The following ASIC2 variants were observed in gnomAD, a reference collection of about 807,000 sequenced individuals.
ASIC2 encodes acid sensing ion channel subunit 2, also known as acid-sensing ion channel 2.
ASIC2 carries 25 observed loss-of-function variants against 57.3 expected under a neutral mutation model. The ratio of observed to expected loss-of-function variants is 0.44; its 90% confidence interval spans 0.32 to 0.61. ASIC2 has a LOEUF of 0.61. ASIC2 is among the 20% of genes least tolerant of loss of function. The probability of loss-of-function intolerance (pLI) is 0.06; values close to 1 mark genes in which losing one functional copy is unlikely to be tolerated. For missense variants in ASIC2, 641 were observed against 738.1 expected (o/e 0.87, Z 1.52); for synonymous variants, 319 against 307.5 (o/e 1.04, Z -0.39).
At chr17:33,435,499 C>T (rs1310561195) in intron 1 of ASIC2, among the ~76,000 whole-genome samples, 1 of 152,126 alleles carries the variant, frequency 6.6e-6, no homozygotes, top group Non-Finnish European at 1.5e-5. Flanking sequence ...TATTTAAATA[C>T]ATGCATTCAT....
intron 1 of ASIC2, among the ~76,000 whole-genome samples, chr17:34,024,041 A>T (rs1367957476): frequency 6.6e-6 from 1 of 152,236 alleles, no homozygotes; most frequent in Non-Finnish European, 1.5e-5. Flanking sequence ...CAAGTCATGG[A>T]GGCAGGATTT....
intron 1 of ASIC2, among the ~76,000 whole-genome samples, chr17:33,614,154 C>A (rs765786994): frequency 1.3e-5 from 2 of 152,170 alleles, no homozygotes; most frequent in Non-Finnish European, 2.9e-5. Flanking sequence ...GCATATTATT[C>A]TTTTCAGCGT....
intron 1 of ASIC2, among the ~76,000 whole-genome samples, chr17:33,431,359 C>A (rs982755778): frequency 6.6e-6 from 1 of 152,130 alleles, no homozygotes; most frequent in African/African-American, 2.4e-5. Context: ...GTAATCCCAG[C>A]ACTTTGAGAG....
chr17:33,206,522 C>G (rs1907066961), intron 1 of ASIC2, among the ~76,000 whole-genome samples: 1 of 152,160 alleles, frequency 6.6e-6, no homozygotes, highest in South Asian at 2.1e-4. Flanking sequence ...GAAGGGATTT[C>G]TTACTGATGA....
At chr17:33,396,532 T>A (rs965308278) in intron 1 of ASIC2, among the ~76,000 whole-genome samples, 2 of 152,090 alleles carry the variant, frequency 1.3e-5, no homozygotes, top group Non-Finnish European at 2.9e-5. Flanking sequence ...TGCAGGGAAG[T>A]GGTGGTGCTG....
intron 1 of ASIC2, among the ~76,000 whole-genome samples, chr17:33,277,446 T>C (rs890178992): frequency 6.6e-6 from 1 of 152,190 alleles, no homozygotes; most frequent in Admixed American, 6.5e-5. Context: ...AACAATTCAA[T>C]TGGCTTTACT....
At chr17:33,416,999 C>T (rs1035308900) in intron 1 of ASIC2, among the ~76,000 whole-genome samples, 3 of 152,028 alleles carry the variant, frequency 2.0e-5, no homozygotes, top group Admixed American at 2.0e-4. Flanking sequence ...ACCCAGGTTC[C>T]ACTTTGTTAA....
At chr17:34,092,514 T>G (rs1188300364) in intron 1 of ASIC2, among the ~76,000 whole-genome samples, 1 of 152,168 alleles carries the variant, frequency 6.6e-6, no homozygotes, top group African/African-American at 2.4e-5. Flanking sequence ...GGAGCTGGTC[T>G]GGCCCTGTAG....
intron 1 of ASIC2, among the ~76,000 whole-genome samples, chr17:34,074,473 G>A (rs1156658785): frequency 3.3e-5 from 5 of 152,080 alleles, no homozygotes; most frequent in Admixed American, 3.3e-4. Context: ...TATGCATAGG[G>A]CTAGGAGGTC....
At chr17:34,100,890 G>C (rs973639341) in intron 1 of ASIC2, among the ~76,000 whole-genome samples, 1 of 152,152 alleles carries the variant, frequency 6.6e-6, no homozygotes, top group Non-Finnish European at 1.5e-5. Flanking sequence ...TGAAATATAA[G>C]GGCTATGGGG....
chr17:33,380,245 C>CA (rs10586872), intron 1 of ASIC2, among the ~76,000 whole-genome samples: 772 of 70,948 alleles, frequency 0.011, 26 homozygotes, highest in East Asian at 0.041. Flanking sequence ...AACCCTGTCT[C>CA]AAAAAAAAAA....
At chr17:33,440,370 C>T (rs1433954451) in intron 1 of ASIC2, among the ~76,000 whole-genome samples, 1 of 152,192 alleles carries the variant, frequency 6.6e-6, no homozygotes, top group Non-Finnish European at 1.5e-5. Flanking sequence ...GTTTATTAAA[C>T]AGCTGACAAT....
chr17:34,087,542 A>G lies in ASIC2; in HGVS notation c.555+68436T>C, dbSNP rs9674651. Among the ~76,000 whole-genome samples, 806 of 152,140 alleles carry G rather than the reference A, an allele frequency of 5.3e-3. 9 individuals carry two copies. The highest frequency in any genetic ancestry group is 0.019 in the African/African-American group (769 of 41,494). ...CTTGGAGTTGCTCTTCTCGAGGAGT[A>G]TCTTTGTGGCGTTCTCTCTATTTCC... is the stretch of plus-strand genomic sequence containing the variant. On this transcript the variant is annotated intron_variant, in intron 1 of 9. Transcript: ENST00000359872.
chr17:33,414,811 T>C (rs1910783164), intron 1 of ASIC2, among the ~76,000 whole-genome samples: 1 of 152,248 alleles, frequency 6.6e-6, no homozygotes, highest in Admixed American at 6.5e-5. Context: ...CATCTTTTAA[T>C]GTTCCCCAGA....
chr17:33,420,265 A>T (rs1911000262), intron 1 of ASIC2, among the ~76,000 whole-genome samples: 1 of 152,192 alleles, frequency 6.6e-6, no homozygotes, highest in Admixed American at 6.5e-5. Context: ...GCTATGGTTC[A>T]TGCTTTCAGG....
chr17:33,190,431 G>A (rs1906368403), intron 1 of ASIC2, among the ~76,000 whole-genome samples: 1 of 152,058 alleles, frequency 6.6e-6, no homozygotes. Flanking sequence ...CTATTGACAG[G>A]AAGATTAAAT....
chr17:33,495,949 A>T (rs1321720700), intron 1 of ASIC2, among the ~76,000 whole-genome samples: 1 of 152,216 alleles, frequency 6.6e-6, no homozygotes, highest in Non-Finnish European at 1.5e-5. Flanking sequence ...AAGGCCCTAG[A>T]CAGGTGAAGA....
chr17:33,569,630 T>C (rs887675739), intron 1 of ASIC2, among the ~76,000 whole-genome samples: 3 of 152,176 alleles, frequency 2.0e-5, no homozygotes, highest in Admixed American at 6.5e-5. Flanking sequence ...CATCCATCCA[T>C]GCACACACCC....
chr17:33,439,813 TC>T (rs536764472), intron 1 of ASIC2, among the ~76,000 whole-genome samples: 513 of 152,322 alleles, frequency 3.4e-3, no homozygotes, highest in Non-Finnish European at 5.7e-3. Context: ...TTGGCTGGCC[TC>T]TGCACCCACT....
Sources: allele counts gnomAD v4.1 joint callset (sites outside exome capture counted in the v4.1 genomes callset), GRCh38; gene constraint gnomAD v4.1.1; transcripts MANE v1.5; gene names NCBI Gene and HGNC (gene_info 2026-07-23, HGNC 2026-07-21).